Variants in TAFA2 observed in about 807,000 individuals in gnomAD.
The protein encoded by TAFA2 is TAFA chemokine like family member 2, also known as chemokine-like protein TAFA-2.
A neutral mutation model predicts 18.8 loss-of-function variants in TAFA2; 7 were observed. The ratio of observed to expected loss-of-function variants is 0.37; its 90% CI spans 0.21 to 0.70. TAFA2 has a LOEUF of 0.70. TAFA2 is among the 30% of genes least tolerant of loss of function. The pLI is 0.53. For synonymous variants in TAFA2, 60 were observed against 54.2 expected (o/e 1.11, Z -0.47); for missense variants, 122 against 158.1 (o/e 0.77, Z 1.23).
intron 1 of TAFA2, among the ~76,000 whole-genome samples, chr12:61,919,254 A>T (rs1005653696): frequency 2.6e-5 from 4 of 152,182 alleles, no homozygotes; most frequent in Non-Finnish European, 5.9e-5. Flanking sequence ...AAGACTTGCT[A>T]ATTTAGTATT....
chr12:62,065,731 T>C (rs9739956), intron 1 of TAFA2, among the ~76,000 whole-genome samples: 35,150 of 151,516 alleles, frequency 0.23, 4,506 homozygotes, highest in East Asian at 0.47. Context: ...TGTGTGTGTG[T>C]TTACTGATTA....
Position 61,754,780 on chromosome 12 carries a change from G to T in TAFA2, c.259+92C>A, listed in dbSNP as rs1869183740. On this transcript the variant is annotated intron_variant, in intron 3 of 4. Coordinates refer to ENST00000416284, the MANE Select transcript of TAFA2 (RefSeq NM_178539.5). ...TGGTATTTGTAGTATGTTCACCCAGGATTGACCTCCCATTGAGAGCATTAT... is the reference window on the plus strand; with the variant it reads ...TGGTATTTGTAGTATGTTCACCCAGTATTGACCTCCCATTGAGAGCATTAT... 3 of 1,294,426 alleles carry T rather than the reference G, an allele frequency of 2.3e-6. No homozygotes were observed. In the South Asian group the frequency reaches 4.4e-5, roughly 19 times the overall value. 80.2% of individuals were successfully genotyped at this position (1,294,426 alleles called of 1,614,324 possible). A position where few individuals can be genotyped will look rare whatever the true frequency, so the allele number is the denominator to read the frequency against.
intron 1 of TAFA2, among the ~76,000 whole-genome samples, chr12:62,045,275 T>A (rs1284195066): frequency 6.6e-6 from 1 of 152,178 alleles, no homozygotes; most frequent in Non-Finnish European, 1.5e-5. Flanking sequence ...CCCTCCCAAC[T>A]TCTCTGTTCA....
chr12:61,815,828 T>C (rs927444615), intron 2 of TAFA2, among the ~76,000 whole-genome samples: 2 of 151,460 alleles, frequency 1.3e-5, no homozygotes, highest in South Asian at 2.1e-4. Flanking sequence ...TAAATGTTTA[T>C]TGTGCATCTG....
intron 1 of TAFA2, chr12:62,135,725 T>G (rs1378798658): frequency 6.6e-6 from 1 of 152,042 alleles, no homozygotes; most frequent in Non-Finnish European, 1.5e-5. Flanking sequence ...ATCAGCTCAA[T>G]TAAGTTAGTA....
At chr12:62,178,383 T>C (rs1644428340) in intron 1 of TAFA2, among the ~76,000 whole-genome samples, 1 of 152,214 alleles carries the variant, frequency 6.6e-6, no homozygotes, top group Non-Finnish European at 1.5e-5. Flanking sequence ...GTTTATGTTA[T>C]AATTTTTCTT....
chr12:61,904,535 A>G (rs556850822), intron 1 of TAFA2, among the ~76,000 whole-genome samples: 1 of 152,174 alleles, frequency 6.6e-6, no homozygotes, highest in African/African-American at 2.4e-5. Context: ...TTTGATTTCA[A>G]ACAGTTTACA....
At chr12:62,083,410 C>G (rs1868353060) in intron 1 of TAFA2, among the ~76,000 whole-genome samples, 1 of 151,956 alleles carries the variant, frequency 6.6e-6, no homozygotes, top group Non-Finnish European at 1.5e-5. Flanking sequence ...TTATTGGACA[C>G]CCCCTAGCCA....
chr12:61,884,242 C>T (rs960521216), intron 1 of TAFA2, among the ~76,000 whole-genome samples: 12 of 152,140 alleles, frequency 7.9e-5, no homozygotes, highest in African/African-American at 1.9e-4. Flanking sequence ...AGAATGCTGA[C>T]GGCGACATGG....
At chr12:61,872,706 C>T (rs10735900) in intron 1 of TAFA2, among the ~76,000 whole-genome samples, 116,415 of 152,026 alleles carry the variant, frequency 0.77, 44,866 homozygotes, top group East Asian at 0.92. Flanking sequence ...ACTATCCCCT[C>T]TGCCAAGCTA....
At chr12:61,748,379 G>T (rs1868837314) in intron 4 of TAFA2, among the ~76,000 whole-genome samples, 1 of 152,198 alleles carries the variant, frequency 6.6e-6, no homozygotes, top group East Asian at 1.9e-4. Flanking sequence ...GAAGTGAGAT[G>T]AAGACAAATG....
At chr12:61,834,715 A>G (rs2121102931) in intron 2 of TAFA2, among the ~76,000 whole-genome samples, 1 of 152,142 alleles carries the variant, frequency 6.6e-6, no homozygotes, top group Non-Finnish European at 1.5e-5. Context: ...AATAAGTGGG[A>G]AAAAAACTGT....
chr12:62,258,986 T>C, upstream of TAFA2: 1 of 183,360 alleles, frequency 5.5e-6, no homozygotes. Context: ...GGCATGATAA[T>C]GCAAAATAGT....
At chr12:61,849,334 T>A (rs1873544218) in intron 2 of TAFA2, among the ~76,000 whole-genome samples, 1 of 152,198 alleles carries the variant, frequency 6.6e-6, no homozygotes. Context: ...TCTCCTAGTC[T>A]TTGAATCTGT....
Position 62,144,735 on chromosome 12 carries a change from C to A in TAFA2, c.-2+46524G>T, listed in dbSNP as rs552183949. ...CCCAGGCCCTTAAGTAGAACCCAAC[C>A]TATGTCCTATGTCATAGGATGCCAC... is the stretch of plus-strand genomic sequence containing the variant. On this transcript the variant is annotated intron_variant, in intron 1 of 4. Transcript: ENST00000416284. Among the ~76,000 whole-genome samples, 4 of 152,282 alleles carry A rather than the reference C, an allele frequency of 2.6e-5. No individual in the cohort carries two copies. In the South Asian group the frequency reaches 8.3e-4, roughly 32 times the overall value.
intron 1 of TAFA2, chr12:62,252,429 T>C (rs2062918533): frequency 6.6e-6 from 1 of 152,236 alleles, no homozygotes; most frequent in Admixed American, 6.5e-5. Flanking sequence ...CTGTGTCTCC[T>C]GGTGGAAATG....
chr12:62,042,203 CAAGCAA>C (rs1881775133), intron 1 of TAFA2, among the ~76,000 whole-genome samples: 1 of 151,972 alleles, frequency 6.6e-6, no homozygotes, highest in Non-Finnish European at 1.5e-5. Flanking sequence ...CTTATCCCTA[CAAGCAA>C]AAGCACGTAA....
intron 1 of TAFA2, among the ~76,000 whole-genome samples, chr12:62,048,976 T>C (rs910146619): frequency 3.3e-5 from 5 of 152,172 alleles, no homozygotes; most frequent in African/African-American, 1.2e-4. Flanking sequence ...CCCATGCAGC[T>C]GTTCATGTTG....
At chr12:62,210,622 C>T (rs1468225869) in intron 1 of TAFA2, among the ~76,000 whole-genome samples, 4 of 152,076 alleles carry the variant, frequency 2.6e-5, no homozygotes, top group South Asian at 2.1e-4. Context: ...CCAGAGGTTC[C>T]GGAGTCTTTG....
Sources: allele counts gnomAD v4.1 joint callset (sites outside exome capture counted in the v4.1 genomes callset), GRCh38; gene constraint gnomAD v4.1.1; transcripts MANE v1.5; gene names NCBI Gene and HGNC (gene_info 2026-07-23, HGNC 2026-07-21).